Variants in ULK4 observed in about 807,000 individuals in gnomAD.
ULK4 encodes unc-51 like kinase 4, also known as inactive serine/threonine-protein kinase ULK4.
In ULK4, 133 loss-of-function variants were observed where a neutral mutation model predicts 160.6. The ratio of observed to expected loss-of-function variants is 0.83; its 90% CI spans 0.72 to 0.96. The LOEUF is 0.96. Among genes scored for constraint, ULK4 ranks in the 40% least tolerant of loss-of-function variants. The pLI is 0.00. For missense variants in ULK4, 1,580 were observed against 1,499.5 expected, an observed-to-expected ratio of 1.05 and a Z score of -0.89; for synonymous variants, 534 against 539.8, an observed-to-expected ratio of 0.99 and a Z score of 0.15.
chr3:41,290,488 T>C (rs1412843747), intron 35 of ULK4, among the ~76,000 whole-genome samples: 1 of 152,186 alleles, frequency 6.6e-6, no homozygotes, highest in Non-Finnish European at 1.5e-5. Context: ...CTTTAGGTTA[T>C]AGTGCTTCTC....
chr3:41,861,477 T>A (rs1038485799), intron 17 of ULK4, among the ~76,000 whole-genome samples: 1 of 152,218 alleles, frequency 6.6e-6, no homozygotes, highest in Non-Finnish European at 1.5e-5. Context: ...CACTCCCTCC[T>A]GGGCTTTAAG....
At chr3:41,914,340 T>C (rs1472437252) in intron 8 of ULK4, among the ~76,000 whole-genome samples, 1 of 152,144 alleles carries the variant, frequency 6.6e-6, no homozygotes, top group Non-Finnish European at 1.5e-5. Flanking sequence ...TATGGTTCAC[T>C]AAAGGAGAAA....
intron 35 of ULK4, among the ~76,000 whole-genome samples, chr3:41,391,484 A>G (rs907123254): frequency 6.6e-6 from 1 of 151,866 alleles, no homozygotes; most frequent in Non-Finnish European, 1.5e-5. Context: ...AGAGAGGTAT[A>G]ATTTTACCTT....
intron 22 of ULK4, among the ~76,000 whole-genome samples, chr3:41,727,983 T>C (rs2037707363): frequency 6.6e-6 from 1 of 152,188 alleles, no homozygotes; most frequent in African/African-American, 2.4e-5. Context: ...TCCATGCAAC[T>C]AAGCAGCTGG....
At chr3:41,524,019 T>A (rs1466133333) in intron 32 of ULK4, among the ~76,000 whole-genome samples, 1 of 152,186 alleles carries the variant, frequency 6.6e-6, no homozygotes, top group African/African-American at 2.4e-5. Context: ...TGAAAGAAGC[T>A]AGCCAAAAAA....
At chr3:41,797,348 C>T (rs1244246188) in intron 20 of ULK4, among the ~76,000 whole-genome samples, 1 of 152,076 alleles carries the variant, frequency 6.6e-6, no homozygotes, top group Non-Finnish European at 1.5e-5. Flanking sequence ...AAGAATGATG[C>T]AAATGGATAA....
chr3:41,607,352 C>T (rs1414149107), intron 31 of ULK4, among the ~76,000 whole-genome samples: 1 of 152,064 alleles, frequency 6.6e-6, no homozygotes, highest in Non-Finnish European at 1.5e-5. Flanking sequence ...AAGGAGAAGT[C>T]CTTCCTAAGC....
chr3:41,477,185 T>C lies in ULK4; in HGVS notation c.3227-13932A>G, dbSNP rs192847495. Among the ~76,000 whole-genome samples the C allele has an allele frequency of 7.9e-4, 120 of 152,332 alleles. 1 individual carries two copies. The highest frequency in any genetic ancestry group is 2.6e-3 in the African/African-American group (108 of 41,570). On this transcript the variant is annotated intron_variant, in intron 32 of 36. Transcript: ENST00000301831. ...AACTCCTAAAAAATCCAAGATTTAT[T>C]TTGTATGAATTATAAGCAAACCCCT...
At chr3:41,334,220 G>T (rs998358306) in intron 35 of ULK4, among the ~76,000 whole-genome samples, 3 of 152,154 alleles carry the variant, frequency 2.0e-5, no homozygotes, top group African/African-American at 7.2e-5. Context: ...AAACTGGCAA[G>T]GGCTTAACCT....
chr3:41,247,260 T>C (rs991690032), intron 36 of ULK4, among the ~76,000 whole-genome samples: 2 of 152,042 alleles, frequency 1.3e-5, no homozygotes, highest in Admixed American at 6.5e-5. Flanking sequence ...TGCCAGTGAG[T>C]GGTAGGCAGC....
intron 35 of ULK4, among the ~76,000 whole-genome samples, chr3:41,392,693 T>C (rs1395951341): frequency 1.3e-5 from 2 of 152,128 alleles, no homozygotes; most frequent in Admixed American, 1.3e-4. Flanking sequence ...CTCTTCTTTT[T>C]AGATGTGCTC....
At chr3:41,683,382 G>T (rs971956915) in intron 27 of ULK4, among the ~76,000 whole-genome samples, 3 of 151,972 alleles carry the variant, frequency 2.0e-5, no homozygotes, top group Admixed American at 2.0e-4. Flanking sequence ...TTCAGGGCTT[G>T]TCTGCGATCA....
intron 12 of ULK4, among the ~76,000 whole-genome samples, chr3:41,902,034 T>C (rs1217364396): frequency 6.6e-6 from 1 of 151,962 alleles, no homozygotes; most frequent in Non-Finnish European, 1.5e-5. Flanking sequence ...TTTGTATTCC[T>C]AGTGCTATGC....
chr3:41,797,821 G>A (rs1250146976), intron 20 of ULK4, among the ~76,000 whole-genome samples: 6 of 151,168 alleles, frequency 4.0e-5, no homozygotes, highest in African/African-American at 9.7e-5. Flanking sequence ...AGATCACACC[G>A]TTGCACTCCA....
At chr3:41,480,867 T>C (rs990877007) in intron 32 of ULK4, among the ~76,000 whole-genome samples, 3 of 152,122 alleles carry the variant, frequency 2.0e-5, no homozygotes, top group Non-Finnish European at 4.4e-5. Context: ...TAAGGCCTCT[T>C]ATAAAACCAT....
At chr3:41,443,520 T>C (rs1027731989) in intron 34 of ULK4, among the ~76,000 whole-genome samples, 1 of 152,172 alleles carries the variant, frequency 6.6e-6, no homozygotes, top group African/African-American at 2.4e-5. Context: ...GTTATTTACA[T>C]AGTGATTTCT....
At chr3:41,649,137 A>G (rs1036434227) in intron 30 of ULK4, among the ~76,000 whole-genome samples, 2 of 152,020 alleles carry the variant, frequency 1.3e-5, no homozygotes, top group African/African-American at 4.8e-5. Context: ...CCAAAACAAA[A>G]AAAAAAAAGC....
At chr3:41,787,404 C>T (rs2040027867) in intron 21 of ULK4, among the ~76,000 whole-genome samples, 3 of 152,146 alleles carry the variant, frequency 2.0e-5, no homozygotes, top group African/African-American at 7.2e-5. Context: ...AAAGCCTGAC[C>T]TCGCACTCTC....
chr3:41,521,238 C>T (rs1445997743), intron 32 of ULK4, among the ~76,000 whole-genome samples: 2 of 152,158 alleles, frequency 1.3e-5, no homozygotes, highest in Non-Finnish European at 2.9e-5. Context: ...TAGCATTACT[C>T]AACCTAACAG....
Sources: allele counts gnomAD v4.1 joint callset (sites outside exome capture counted in the v4.1 genomes callset), GRCh38; gene constraint gnomAD v4.1.1; transcripts MANE v1.5; gene names NCBI Gene and HGNC (gene_info 2026-07-23, HGNC 2026-07-21).